The following CACNA1C variants were observed in gnomAD, a reference collection of about 807,000 sequenced individuals.
The protein encoded by CACNA1C is voltage-dependent L-type calcium channel subunit alpha-1C.
A neutral mutation model predicts 229.0 loss-of-function variants in CACNA1C; 30 were observed. The ratio of observed to expected loss-of-function variants is 0.13; its 90% CI spans 0.10 to 0.18. CACNA1C has a LOEUF of 0.18. Ranked by LOEUF, CACNA1C falls within the 10% of genes least tolerant of loss-of-function variation. The probability of loss-of-function intolerance (pLI) is 1.00; values close to 1 mark genes in which losing one functional copy is unlikely to be tolerated. For missense variants in CACNA1C, 1,658 were observed against 2,845.0 expected, an observed-to-expected ratio of 0.58 and a Z score of 9.49; for synonymous variants, 1,114 against 1,132.5, an observed-to-expected ratio of 0.98 and a Z score of 0.33.
chr12:2,237,433 A>G (rs948635119), intron 3 of CACNA1C, among the ~76,000 whole-genome samples: 1 of 152,234 alleles, frequency 6.6e-6, no homozygotes, highest in Non-Finnish European at 1.5e-5. Context: ...AAAATGACCC[A>G]ATGGAATATA....
chr12:2,310,330 C>T (rs911873314), intron 3 of CACNA1C, among the ~76,000 whole-genome samples: 1 of 147,816 alleles, frequency 6.8e-6, no homozygotes, highest in African/African-American at 2.6e-5. Context: ...GTCCTGTCCT[C>T]TGCCTCCCAG....
chr12:2,263,423 A>G (rs2081135401), intron 3 of CACNA1C, among the ~76,000 whole-genome samples: 1 of 152,142 alleles, frequency 6.6e-6, no homozygotes, highest in Non-Finnish European at 1.5e-5. Context: ...CTTGTAAGTC[A>G]TTGTGATGAC....
intron 29 of CACNA1C, among the ~76,000 whole-genome samples, chr12:2,631,012 G>C (rs961582898): frequency 6.6e-6 from 1 of 152,130 alleles, no homozygotes; most frequent in African/African-American, 2.4e-5. Context: ...GGTGACCAGG[G>C]GTGCACAGCC....
chr12:2,180,277 G>A (rs1468956476), intron 3 of CACNA1C, among the ~76,000 whole-genome samples: 2 of 152,234 alleles, frequency 1.3e-5, no homozygotes, highest in Non-Finnish European at 2.9e-5. Context: ...CTGGTGTCTG[G>A]CAAAGGCCAA....
At chr12:2,070,829 CT>C (rs918460225) in intron 1 of CACNA1C, among the ~76,000 whole-genome samples, 63 of 151,450 alleles carry the variant, frequency 4.2e-4, no homozygotes, top group Middle Eastern at 3.4e-3. Context: ...CCCTTCCTTT[CT>C]TTTTTTTTCT....
chr12:2,373,688 A>G (rs1262686038), intron 3 of CACNA1C, among the ~76,000 whole-genome samples: 1 of 152,226 alleles, frequency 6.6e-6, no homozygotes, highest in Non-Finnish European at 1.5e-5. Flanking sequence ...AAGGGAAACA[A>G]CAGAATTATA....
At chr12:2,059,900 A>G (rs1416201607) in intron 1 of CACNA1C, among the ~76,000 whole-genome samples, 2 of 152,006 alleles carry the variant, frequency 1.3e-5, no homozygotes, top group Non-Finnish European at 2.9e-5. Context: ...TGCTTGGTAG[A>G]TCTTTCAACC....
intron 13 of CACNA1C, among the ~76,000 whole-genome samples, chr12:2,580,678 G>C (rs953510098): frequency 6.6e-6 from 1 of 152,186 alleles, no homozygotes; most frequent in African/African-American, 2.4e-5. Context: ...GATTTTCCCA[G>C]GATCGCTGTA....
chr12:2,289,631 G>A (rs771838351), intron 3 of CACNA1C, among the ~76,000 whole-genome samples: 2 of 150,916 alleles, frequency 1.3e-5, no homozygotes, highest in South Asian at 2.1e-4. Context: ...TGAGATAAAG[G>A]CACGACGCCC....
chr12:2,671,221 G>T (rs980159240), intron 38 of CACNA1C, among the ~76,000 whole-genome samples: 2 of 151,882 alleles, frequency 1.3e-5, no homozygotes, highest in African/African-American at 4.8e-5. Context: ...CACCATGTTG[G>T]CCAGGATGGT....
At chr12:2,326,130 G>A (rs1211763877) in intron 3 of CACNA1C, among the ~76,000 whole-genome samples, 1 of 152,164 alleles carries the variant, frequency 6.6e-6, no homozygotes, top group Non-Finnish European at 1.5e-5. Context: ...GCTTTTGAGG[G>A]GTGGACTAAA....
At chr12:2,396,979 C>T (rs1454369261) in intron 3 of CACNA1C, among the ~76,000 whole-genome samples, 1 of 152,242 alleles carries the variant, frequency 6.6e-6, no homozygotes, top group Admixed American at 6.5e-5. Flanking sequence ...AACTGTTTAG[C>T]CTGTTAGTAG....
At chr12:2,012,486 A>G (rs12320031) in intron 1 of CACNA1C, among the ~76,000 whole-genome samples, 4,999 of 152,308 alleles carry the variant, frequency 0.033, 292 homozygotes, top group African/African-American at 0.11. Flanking sequence ...AATATTTACT[A>G]TCTAGTCCTT....
At chr12:2,116,306 G>A (rs911704557) in intron 2 of CACNA1C, among the ~76,000 whole-genome samples, 6 of 152,092 alleles carry the variant, frequency 3.9e-5, no homozygotes, top group Admixed American at 6.5e-5. Flanking sequence ...AGGGATGGGC[G>A]CTCGCTGTGG....
chr12:2,025,232 TG>T (rs34188849), intron 1 of CACNA1C, among the ~76,000 whole-genome samples: 40,045 of 151,974 alleles, frequency 0.26, 6,103 homozygotes, highest in East Asian at 0.63. Flanking sequence ...ACTGGAAAGA[TG>T]ACCTCCAGCT....
rs747569043 is a variant in CACNA1C at position 2,610,398 on chromosome 12, G to A, written c.3559-143G>A. 4.8e-5 allele frequency: 36 copies of A among 755,244 alleles called. 2 individuals carry two copies. The highest frequency in any genetic ancestry group is 2.1e-4 in the South Asian group (10 of 48,776). The allele number at this position is 755,244 out of a possible 1,614,324, so 46.8% of individuals were successfully genotyped here. On this transcript the variant is annotated intron_variant, in intron 27 of 46. Transcript: ENST00000399655. ...AACACCTCCCACCTGTAAGTGAGCCGGAGCGGCCAATGATTTCTCAGACTT... is the reference window on the plus strand; with the variant it reads ...AACACCTCCCACCTGTAAGTGAGCCAGAGCGGCCAATGATTTCTCAGACTT...
chr12:2,250,974 T>C (rs2075379553), intron 3 of CACNA1C, among the ~76,000 whole-genome samples: 1 of 152,188 alleles, frequency 6.6e-6, no homozygotes, highest in African/African-American at 2.4e-5. Context: ...TACCACATCC[T>C]GCACTTAGAG....
chr12:2,073,116 G>T (rs1158354381), intron 1 of CACNA1C, among the ~76,000 whole-genome samples: 1 of 152,148 alleles, frequency 6.6e-6, no homozygotes, highest in Non-Finnish European at 1.5e-5. Context: ...GAATCTTTCA[G>T]CTCTCAAAGT....
chr12:2,010,562 T>C (rs1420460011), intron 1 of CACNA1C, among the ~76,000 whole-genome samples: 2 of 152,176 alleles, frequency 1.3e-5, no homozygotes, highest in Non-Finnish European at 2.9e-5. Context: ...ACTCTTGAAT[T>C]GACCACTCTC....
Sources: allele counts gnomAD v4.1 joint callset (sites outside exome capture counted in the v4.1 genomes callset), GRCh38; gene constraint gnomAD v4.1.1; transcripts MANE v1.5; gene names NCBI Gene and HGNC (gene_info 2026-07-23, HGNC 2026-07-21).